The following PCCA variants were observed in gnomAD, a reference collection of about 807,000 sequenced individuals.
PCCA encodes propionyl-CoA carboxylase alpha chain, mitochondrial.
PCCA carries 74 observed loss-of-function variants against 101.3 expected under a neutral mutation model. The ratio of observed to expected loss-of-function variants is 0.73; its 90% confidence interval spans 0.61 to 0.89. PCCA has a LOEUF of 0.89. Among genes scored for constraint, PCCA ranks in the 40% least tolerant of loss-of-function variants. The pLI is 0.00. For synonymous variants in PCCA, 294 were observed against 313.6 expected (o/e 0.94, Z 0.66); for missense variants, 891 against 907.0 (o/e 0.98, Z 0.23).
intron 12 of PCCA, among the ~76,000 whole-genome samples, chr13:100,289,215 T>C (rs2064936347): frequency 6.6e-6 from 1 of 152,264 alleles, no homozygotes; most frequent in African/African-American, 2.4e-5. Flanking sequence ...AATCCTACTT[T>C]GACTCATGTC....
chr13:100,160,067 T>A (rs936357789), intron 6 of PCCA, among the ~76,000 whole-genome samples: 3 of 152,198 alleles, frequency 2.0e-5, no homozygotes, highest in Admixed American at 6.5e-5. Context: ...AACTGCTGTG[T>A]ATTTGCTTTA....
At chr13:100,387,803 T>C (rs1363585635) in intron 19 of PCCA, among the ~76,000 whole-genome samples, 1 of 152,222 alleles carries the variant, frequency 6.6e-6, no homozygotes, top group Non-Finnish European at 1.5e-5. Flanking sequence ...ATTGCTTGTC[T>C]AATTGGGTGC....
intron 6 of PCCA, among the ~76,000 whole-genome samples, chr13:100,197,589 GCATGCCACCATGCC>G (rs1412651293): frequency 9.9e-5 from 15 of 152,116 alleles, no homozygotes; most frequent in Non-Finnish European, 1.6e-4. Context: ...GATTACAGGA[GCATGCCACCATGCC>G]CAGCTAATTT....
intron 6 of PCCA, among the ~76,000 whole-genome samples, chr13:100,175,858 G>A (rs953060613): frequency 2.0e-5 from 3 of 152,126 alleles, no homozygotes; most frequent in Non-Finnish European, 4.4e-5. Context: ...TCCTCTTTTT[G>A]TGACTGCTTT....
intron 4 of PCCA, among the ~76,000 whole-genome samples, chr13:100,144,204 A>T (rs1249175689): frequency 6.6e-6 from 1 of 152,172 alleles, no homozygotes; most frequent in East Asian, 1.9e-4. Flanking sequence ...GAAGCTTTTG[A>T]GTGGTTGATT....
At chr13:100,284,643 A>G (rs1429599711) in intron 12 of PCCA, among the ~76,000 whole-genome samples, 3 of 152,244 alleles carry the variant, frequency 2.0e-5, no homozygotes, top group Non-Finnish European at 4.4e-5. Context: ...TAATTCCACT[A>G]TATCCAGTTG....
At chr13:100,125,731 A>G (rs2049891723) in intron 4 of PCCA, among the ~76,000 whole-genome samples, 1 of 152,194 alleles carries the variant, frequency 6.6e-6, no homozygotes, top group Non-Finnish European at 1.5e-5. Context: ...TGTCTTTGGA[A>G]AAACTTATTT....
At chr13:100,521,490 A>C (rs1270521232) in intron 22 of PCCA, among the ~76,000 whole-genome samples, 1 of 152,240 alleles carries the variant, frequency 6.6e-6, no homozygotes, top group Non-Finnish European at 1.5e-5. Flanking sequence ...ATCCTTGCTC[A>C]AATACTGCAG....
intron 18 of PCCA, among the ~76,000 whole-genome samples, chr13:100,356,677 G>A (rs2152791630): frequency 6.6e-6 from 1 of 152,194 alleles, no homozygotes; most frequent in African/African-American, 2.4e-5. Flanking sequence ...TAAAATATTA[G>A]ACGATTACCA....
At chr13:100,247,972 T>A (rs1428160813) in intron 8 of PCCA, among the ~76,000 whole-genome samples, 2 of 152,220 alleles carry the variant, frequency 1.3e-5, no homozygotes, top group African/African-American at 4.8e-5. Context: ...CAATTTTTGT[T>A]TTCAAGTCTA....
Position 100,392,008 on chromosome 13 carries a change from G to GCTGTCGTATC in PCCA, c.1746+23434_1746+23435insCTGTCGTATC, listed in dbSNP as rs1170607459. On this transcript the variant is annotated intron_variant, in intron 19 of 23. Transcript: ENST00000376285. ...CTTAAGTGACCCCTTAGTCACTTAA[G>GCTGTCGTATC]ATGGTGTTCATTTCCATCATTGTGC... Among the ~76,000 whole-genome samples the GCTGTCGTATC allele has an allele frequency of 1.1e-3, 166 of 152,298 alleles. 6 individuals carry two copies. In the South Asian group the frequency reaches 0.031, roughly 29 times the overall value.
intron 2 of PCCA, 60 bp downstream of exon 2, chr13:100,103,020 C>T (rs919467549): frequency 2.4e-5 from 26 of 1,070,506 alleles, no homozygotes; most frequent in Middle Eastern, 2.0e-4. Context: ...TTTACTTTCT[C>T]GTCTCCACAC....
intron 14 of PCCA, among the ~76,000 whole-genome samples, chr13:100,306,245 T>G (rs2066438656): frequency 6.6e-6 from 1 of 152,236 alleles, no homozygotes; most frequent in South Asian, 2.1e-4. Context: ...CTACGTGAGC[T>G]TCCGCTCTTC....
At chr13:100,305,785 G>A (rs1433280802) in intron 14 of PCCA, 1 of 445,362 alleles carries the variant, frequency 2.2e-6, no homozygotes, top group African/African-American at 2.0e-5. Context: ...TAGAACATCA[G>A]TTTATGTCCT....
chr13:100,242,086 A>AGT (rs760821380), intron 8 of PCCA, among the ~76,000 whole-genome samples: 5 of 152,082 alleles, frequency 3.3e-5, no homozygotes, highest in Non-Finnish European at 5.9e-5. Context: ...TTGCCATCCT[A>AGT]GTGTGTGTGT....
chr13:100,515,283 T>G (rs1327255791), intron 21 of PCCA, 144 bp from the exon 22 acceptor site: 1 of 727,348 alleles, frequency 1.4e-6, no homozygotes, highest in Non-Finnish European at 2.4e-6. Flanking sequence ...TATTTTGATG[T>G]GTGCAGCAAT....
intron 6 of PCCA, chr13:100,160,744 A>G (rs908975967): frequency 1.3e-5 from 2 of 152,326 alleles, no homozygotes; most frequent in South Asian, 2.1e-4. Flanking sequence ...AGGCAAAGAC[A>G]TCTTAACAGA....
intron 19 of PCCA, among the ~76,000 whole-genome samples, chr13:100,383,281 C>T (rs1169080055): frequency 2.0e-5 from 3 of 151,762 alleles, no homozygotes; most frequent in Non-Finnish European, 2.9e-5. Flanking sequence ...CATGAGCCAC[C>T]GTGCCCAGCC....
intron 16 of PCCA, among the ~76,000 whole-genome samples, chr13:100,322,555 A>G (rs1169456816): frequency 6.6e-6 from 1 of 150,954 alleles, no homozygotes; most frequent in East Asian, 1.9e-4. Flanking sequence ...CTGGATTGCA[A>G]TTTTCTTTTT....
Sources: gnomAD v4.1 joint callset for allele counts (sites outside exome capture counted in the v4.1 genomes callset) on GRCh38, gnomAD v4.1.1 for gene constraint, MANE v1.5 for transcripts, NCBI Gene and HGNC (gene_info 2026-07-23, HGNC 2026-07-21) for gene names.